The following ASAP1 variants were observed in gnomAD, a reference collection of about 807,000 sequenced individuals.
ASAP1 encodes the protein arf-GAP with SH3 domain, ANK repeat and PH domain-containing protein 1.
ASAP1 carries 43 observed loss-of-function variants against 145.2 expected under a neutral mutation model. The ratio of observed to expected loss-of-function variants is 0.30; its 90% CI spans 0.23 to 0.38. The LOEUF is 0.38. ASAP1 is among the 10% of genes least tolerant of loss of function. The pLI is 1.00. For synonymous variants in ASAP1, 546 were observed against 515.5 expected (o/e 1.06, Z -0.80); for missense variants, 1,018 against 1,355.3 (o/e 0.75, Z 3.91).
At chr8:130,178,463 C>A (rs187087125) in intron 9 of ASAP1, among the ~76,000 whole-genome samples, 9 of 152,248 alleles carry the variant, frequency 5.9e-5, no homozygotes, top group African/African-American at 2.2e-4. Context: ...TATAGGCAAA[C>A]AAAAATGGTG....
At chr8:130,150,616 T>A (rs1398456131) in intron 13 of ASAP1, among the ~76,000 whole-genome samples, 1 of 152,146 alleles carries the variant, frequency 6.6e-6, no homozygotes, top group African/African-American at 2.4e-5. Context: ...CGGTGGCTCA[T>A]GCCTGTAATC....
rs750262894 is a variant in ASAP1, at chr8:130,118,562, C to T, written c.1721G>A (p.Arg574Lys). 1 of 1,614,108 alleles carries T rather than the reference C, an allele frequency of 6.2e-7. No individual in the cohort carries two copies. Among genetic ancestry groups the T allele is most frequent in the Non-Finnish European group, 8.5e-7 (1 of 1,180,000 alleles). The change falls in exon 19 of 30, where the codon AGG becomes AAG. Residue 574 changes from arginine to lysine, a missense_variant. By Grantham distance (26) the Arg-to-Lys change is conservative (BLOSUM62 2). Around this residue, in one of 9 missense-constraint regions of ASAP1, gnomAD observed 353 missense variants for 375.4 expected, o/e 0.94. Transcript: ENST00000518721. ...GACTTGAATTAGTGCAAGTAAATCCCTGGATTTGATGGCCTCAAGCAATTC... is the reference window on the plus strand; with the variant it reads ...GACTTGAATTAGTGCAAGTAAATCCTTGGATTTGATGGCCTCAAGCAATTC... The part of the protein sequence containing the change: ...LNELLEAIKS[R>K]DLLALIQVYA...
intron 14 of ASAP1, among the ~76,000 whole-genome samples, chr8:130,134,717 G>C (rs2097590498): frequency 6.6e-6 from 1 of 152,238 alleles, no homozygotes; most frequent in Non-Finnish European, 1.5e-5. Context: ...TGAATAAACA[G>C]TGAGGAGAGG....
At chr8:130,383,072 C>T (rs964524386) in intron 2 of ASAP1, among the ~76,000 whole-genome samples, 1 of 152,134 alleles carries the variant, frequency 6.6e-6, no homozygotes, top group African/African-American at 2.4e-5. Flanking sequence ...GACGGTCTTC[C>T]CTCTCTCCTG....
intron 4 of ASAP1, among the ~76,000 whole-genome samples, chr8:130,233,740 C>T (rs1235698200): frequency 6.6e-6 from 1 of 152,096 alleles, no homozygotes; most frequent in Non-Finnish European, 1.5e-5. Flanking sequence ...TTTATCTCTC[C>T]CCTACTGGAT....
At chr8:130,281,933 G>A (rs1161429040) in intron 3 of ASAP1, among the ~76,000 whole-genome samples, 2 of 152,120 alleles carry the variant, frequency 1.3e-5, no homozygotes. Flanking sequence ...GGGCAAGGTG[G>A]CGGGTGCCTG....
At position 130,312,116 on chromosome 8, in the gene ASAP1, A is replaced by G. The variant is rs553106031; in HGVS notation, c.186+45901T>C. Among the ~76,000 whole-genome samples, 3 of 152,144 alleles carry G rather than the reference A, an allele frequency of 2.0e-5. No homozygotes were observed. The South Asian group carries it at 6.2e-4, about 32-fold the overall frequency. On this transcript the variant is annotated intron_variant, in intron 3 of 29. Transcript: ENST00000518721. ...CATAGCAAGACCCAGTCTCTCCAAA[A>G]AAAATACAAAAATTAGCTGGGTGTG... is the stretch of plus-strand genomic sequence containing the variant.
rs1215504863 is a variant in ASAP1 at position 130,358,742 on chromosome 8, CCCCCGCCCCG to C, written c.60-609_60-600del. Among the ~76,000 whole-genome samples the C allele has an allele frequency of 7.2e-6, 1 of 138,604 alleles. No individual in the cohort carries two copies. Among genetic ancestry groups the C allele is most frequent in the East Asian group, 2.1e-4 (1 of 4,652 alleles). The allele number at this position is 138,604 out of a possible 152,430, so 90.9% of individuals were successfully genotyped here. A position where few individuals can be genotyped will look rare whatever the true frequency, so the allele number is the denominator to read the frequency against. ...CGCCCGCGCCCCGCCCCCGGCCCGG[CCCCCGCCCCG>C]CCCCGCCCCCGCTCGCGCACAGCCC... On this transcript the variant is annotated intron_variant, in intron 2 of 29. Coordinates refer to ENST00000518721, the MANE Select transcript of ASAP1 (RefSeq NM_018482.4). This position sits in a 1 kb window ranked among gnomAD's most constrained non-coding sequence, Gnocchi z 4.1.
chr8:130,385,608 C>A (rs1365787796), intron 2 of ASAP1, among the ~76,000 whole-genome samples: 1 of 152,214 alleles, frequency 6.6e-6, no homozygotes, highest in African/African-American at 2.4e-5. Context: ...TGGTCTCTGA[C>A]TCTCTCAGAG....
At chr8:130,407,162 T>C (rs1282354712) in intron 1 of ASAP1, among the ~76,000 whole-genome samples, 1 of 152,218 alleles carries the variant, frequency 6.6e-6, no homozygotes, top group African/African-American at 2.4e-5. Flanking sequence ...CTGCCTCGTT[T>C]AATCCCCATA....
At chr8:130,271,267 T>C (rs940323012) in intron 3 of ASAP1, among the ~76,000 whole-genome samples, 2 of 152,338 alleles carry the variant, frequency 1.3e-5, no homozygotes, top group Admixed American at 6.5e-5. Flanking sequence ...GCACGTGTCA[T>C]GTTAAAGGGG....
At chr8:130,079,165 A>G (rs1194966181) in intron 26 of ASAP1, among the ~76,000 whole-genome samples, 1 of 152,202 alleles carries the variant, frequency 6.6e-6, no homozygotes, top group Non-Finnish European at 1.5e-5. Context: ...ACTGCACTCC[A>G]GTCTGGGTGA....
At chr8:130,070,349 T>C (rs1229827443) in intron 27 of ASAP1, among the ~76,000 whole-genome samples, 1 of 152,176 alleles carries the variant, frequency 6.6e-6, no homozygotes, top group Non-Finnish European at 1.5e-5. Flanking sequence ...CTGCATCTCT[T>C]TTATTTGATT....
chr8:130,167,367 T>C, intron 11 of ASAP1, 169 bp downstream of exon 11: 2 of 762,710 alleles, frequency 2.6e-6, no homozygotes, highest in Middle Eastern at 2.7e-4. Flanking sequence ...ATCTTTCCTA[T>C]AAGCAAGGAA....
chr8:130,151,816 G>T (rs1047940556), intron 13 of ASAP1, among the ~76,000 whole-genome samples: 1 of 152,248 alleles, frequency 6.6e-6, no homozygotes, highest in Non-Finnish European at 1.5e-5. Flanking sequence ...CTAGTAAGAT[G>T]ATGTGTTCTG....
intron 26 of ASAP1, 37 bp downstream of exon 26, chr8:130,079,865 G>C (rs1486040514): frequency 6.3e-7 from 1 of 1,590,372 alleles, no homozygotes; most frequent in South Asian, 1.1e-5. Flanking sequence ...TGCATCAATG[G>C]ATCCAACAGG....
chr8:130,176,406 A>G (rs1813955607), intron 9 of ASAP1, among the ~76,000 whole-genome samples: 1 of 152,248 alleles, frequency 6.6e-6, no homozygotes, highest in Admixed American at 6.5e-5. Flanking sequence ...TCTTGCTATG[A>G]TAGAGTTCTT....
intron 3 of ASAP1, among the ~76,000 whole-genome samples, chr8:130,280,492 G>A (rs1292341933): frequency 1.3e-5 from 2 of 152,208 alleles, no homozygotes; most frequent in Non-Finnish European, 2.9e-5. Flanking sequence ...ACAGTAGAGA[G>A]CAGTCAACCA....
intron 23 of ASAP1, among the ~76,000 whole-genome samples, chr8:130,113,754 A>G (rs1300796047): frequency 1.3e-5 from 2 of 151,800 alleles, no homozygotes; most frequent in African/African-American, 4.8e-5. Flanking sequence ...TAAAATGGGG[A>G]TAACAATGTC....
Sources: gnomAD v4.1 joint callset for allele counts (sites outside exome capture counted in the v4.1 genomes callset) on GRCh38, gnomAD v4.1.1 for gene constraint, gnomAD v4.1.1 regional missense constraint, Gnocchi (gnomAD v3.1) non-coding constraint, MANE v1.5 for transcripts, NCBI Gene and HGNC (gene_info 2026-07-23, HGNC 2026-07-21) for gene names.